The following MED15 variants were observed in gnomAD, a reference collection of about 807,000 sequenced individuals.
MED15 encodes the protein mediator complex subunit 15.
MED15 carries 41 observed loss-of-function variants against 118.7 expected under a neutral mutation model. That is an observed-to-expected ratio of 0.35 (90% CI 0.27 to 0.45). MED15 has a LOEUF of 0.45. Ranked by LOEUF, MED15 falls within the 20% of genes least tolerant of loss-of-function variation. MED15 has a pLI of 1.00. For synonymous variants in MED15, 436 were observed against 413.9 expected (o/e 1.05, Z -0.65); for missense variants, 740 against 1,025.5 (o/e 0.72, Z 3.80).
chr22:20,508,470 CCTGGGTGCAGGTGGG>C (rs1029243375), intron 1 of MED15: 2 of 1,242,286 alleles, frequency 1.6e-6, no homozygotes, highest in African/African-American at 3.1e-5. Context: ...GTTTATTTCA[CCTGGGTGCAGGTGGG>C]CTGAGTCCGA....
At chr22:20,560,053 G>A (rs2056173346) in intron 5 of MED15, among the ~76,000 whole-genome samples, 2 of 152,162 alleles carry the variant, frequency 1.3e-5, no homozygotes. Flanking sequence ...TGCTGCTGGT[G>A]CGTAATGGGT....
At chr22:20,508,057 G>A (rs2053932506) in intron 1 of MED15, 3 of 1,360,740 alleles carry the variant, frequency 2.2e-6, no homozygotes, top group Non-Finnish European at 2.8e-6. Flanking sequence ...GAACCACACT[G>A]AATAGGGAAA....
chr22:20,568,560 C>A lies in MED15; in HGVS notation c.1081C>A (p.Pro361Thr). The A allele has an allele frequency of 6.2e-7, 1 of 1,613,822 alleles. No individual in the cohort carries two copies. Among genetic ancestry groups the A allele is most frequent in the South Asian group, 1.1e-5 (1 of 91,080 alleles). The change falls in exon 8 of 18, where the codon CCC (proline) becomes ACC (threonine). Residue 361 changes from proline to threonine, a missense_variant. By Grantham distance (38) the Pro-to-Thr change is conservative. Coordinates refer to ENST00000263205, the MANE Select transcript of MED15 (RefSeq NM_001003891.3). ...PMVVQQPPVQ[P>T]QVQQQQTAVQ... The stretch of plus-strand genomic sequence containing the variant: ...GGTGGTGCAGCAGCCCCCAGTGCAG[C>A]CCCAGGTGCAGCAGCAGCAGACAGC...
chr22:20,574,937 AG>A, intron 8 of MED15, 175 bp from the exon 9 acceptor site: 1 of 768,160 alleles, frequency 1.3e-6, no homozygotes, highest in East Asian at 2.5e-5. Context: ...ACAGACCTGG[AG>A]GTGCTGTGGG....
chr22:20,528,422 G>C (rs965210255), intron 1 of MED15, among the ~76,000 whole-genome samples: 5 of 152,156 alleles, frequency 3.3e-5, no homozygotes, highest in Admixed American at 6.5e-5. Flanking sequence ...TTCTCATAAG[G>C]AGCATGCGAC....
intron 1 of MED15, among the ~76,000 whole-genome samples, chr22:20,520,155 C>T (rs1047117477): frequency 6.6e-6 from 1 of 152,214 alleles, no homozygotes; most frequent in African/African-American, 2.4e-5. Context: ...CTGTTCTTCC[C>T]AGCCTACGTA....
At chr22:20,551,784 G>C (rs1283797463) in intron 3 of MED15, 9 of 438,814 alleles carry the variant, frequency 2.1e-5, no homozygotes, top group Non-Finnish European at 3.3e-5. Context: ...TAGGGCTGTT[G>C]TTTTTACTTC....
intron 1 of MED15, among the ~76,000 whole-genome samples, chr22:20,527,973 A>AT (rs2054716619): frequency 6.6e-6 from 1 of 151,796 alleles, no homozygotes; most frequent in African/African-American, 2.4e-5. Flanking sequence ...AAAAAAAAAA[A>AT]AAATCAAACT....
intron 1 of MED15, among the ~76,000 whole-genome samples, chr22:20,532,678 A>G (rs1488570049): frequency 6.6e-6 from 1 of 152,148 alleles, no homozygotes; most frequent in Non-Finnish European, 1.5e-5. Context: ...CCCCTTCCTC[A>G]GCTAGAGCGA....
intron 8 of MED15, among the ~76,000 whole-genome samples, chr22:20,570,437 G>A (rs538242682): frequency 6.7e-6 from 1 of 149,640 alleles, no homozygotes; most frequent in African/African-American, 2.5e-5. Context: ...TGTCATCCAG[G>A]CTGGATTGCA....
intron 2 of MED15, among the ~76,000 whole-genome samples, chr22:20,539,486 T>G (rs1015650638): frequency 1.3e-5 from 2 of 152,224 alleles, no homozygotes; most frequent in Non-Finnish European, 2.9e-5. Flanking sequence ...ATTCGTTAGT[T>G]GGTGGACATT....
At chr22:20,515,228 T>C (rs1046723593) in intron 1 of MED15, among the ~76,000 whole-genome samples, 12 of 152,210 alleles carry the variant, frequency 7.9e-5, no homozygotes, top group African/African-American at 1.2e-4. Flanking sequence ...TTGCAGGAGT[T>C]GACAGATGTT....
intron 2 of MED15, among the ~76,000 whole-genome samples, chr22:20,545,492 AAG>A (rs2055494006): frequency 1.3e-5 from 2 of 151,360 alleles, no homozygotes; most frequent in African/African-American, 4.8e-5. Flanking sequence ...AAAAAAAAAA[AAG>A]AAACAAAATG....
chr22:20,518,895 C>A lies in MED15; in HGVS notation c.68+11149C>A, dbSNP rs1265906335. On this transcript the variant is annotated intron_variant, in intron 1 of 17. Transcript: ENST00000263205. ...TTTGGCAGGGTCTCACTCTGTCACT[C>A]AGGCTGAAGTGCAGTGGCGTGATTG... is the stretch of plus-strand genomic sequence containing the variant. The A allele has an allele frequency of 8.8e-6, 4 of 453,398 alleles. No individual in the cohort carries two copies. The Admixed American group carries it at 9.4e-5, about 11-fold the overall frequency. The allele number at this position is 453,398 out of a possible 1,614,324, so 28.1% of individuals were successfully genotyped here. A position where few individuals can be genotyped will look rare whatever the true frequency, so the allele number is the denominator to read the frequency against.
chr22:20,576,497 T>G (rs2056828012), intron 9 of MED15, among the ~76,000 whole-genome samples: 1 of 152,252 alleles, frequency 6.6e-6, no homozygotes, highest in African/African-American at 2.4e-5. Context: ...CTGGGGCATG[T>G]TTAGCTTTTG....
intron 1 of MED15, 90 bp from the exon 2 acceptor site, chr22:20,537,027 G>C: frequency 8.4e-7 from 1 of 1,185,352 alleles, no homozygotes; most frequent in Non-Finnish European, 1.2e-6. Flanking sequence ...TGTCACCAGG[G>C]GCAGCTGCTA....
intron 1 of MED15, among the ~76,000 whole-genome samples, chr22:20,532,657 T>G (rs1313383825): frequency 1.3e-5 from 2 of 152,042 alleles, no homozygotes; most frequent in Admixed American, 1.3e-4. Context: ...AACCAGGGAG[T>G]GGCCCCCAGC....
chr22:20,577,397 CCCCT>C (rs1315852895), intron 9 of MED15, among the ~76,000 whole-genome samples: 6 of 150,916 alleles, frequency 4.0e-5, no homozygotes, highest in South Asian at 2.1e-4. Context: ...TCACAGGCAG[CCCCT>C]CCCTCCCTCC....
chr22:20,582,426 A>C, intron 9 of MED15, 185 bp from the exon 10 acceptor site: 1 of 917,206 alleles, frequency 1.1e-6, no homozygotes, highest in Non-Finnish European at 1.6e-6. Context: ...CCCCTTGGTC[A>C]CCTCATGCTG....
Sources: allele counts gnomAD v4.1 joint callset (sites outside exome capture counted in the v4.1 genomes callset), GRCh38; gene constraint gnomAD v4.1.1; transcripts MANE v1.5; gene names NCBI Gene and HGNC (gene_info 2026-07-23, HGNC 2026-07-21).